KDM4B: variants seen among roughly 807,000 people sequenced by gnomAD.
KDM4B encodes the protein lysine demethylase 4B, also known as lysine-specific demethylase 4B.
A neutral mutation model predicts 125.2 loss-of-function variants in KDM4B; 32 were observed. The observed-to-expected ratio is 0.26, with a 90% CI of 0.19 to 0.34. KDM4B has a LOEUF of 0.34. KDM4B is among the 10% of genes least tolerant of loss of function. The probability of loss-of-function intolerance (pLI) is 1.00; values close to 1 mark genes in which losing one functional copy is unlikely to be tolerated. For missense variants in KDM4B, 1,190 were observed against 1,577.7 expected (o/e 0.75, Z 4.16); for synonymous variants, 721 against 677.9 (o/e 1.06, Z -0.99).
In KDM4B at chr19:5,150,354, G is replaced by C. The variant is rs1261804994; in HGVS notation, c.3022-4G>C. ...AGGCCCCTGAGAGCCACATCCCCCT[G>C]CAGGTGGAGTTTGAGGACGGGTCCC... On this transcript the variant is annotated splice_region_variant and splice_polypyrimidine_tract_variant and intron_variant, in intron 21 of 22. Coordinates refer to ENST00000159111, the MANE Select transcript of KDM4B (RefSeq NM_015015.3). The C allele has an allele frequency of 6.4e-7, 1 of 1,550,750 alleles. No homozygotes were observed.
intron 9 of KDM4B, among the ~76,000 whole-genome samples, chr19:5,093,697 G>A (rs2038759182): frequency 6.6e-6 from 1 of 152,216 alleles, no homozygotes; most frequent in African/African-American, 2.4e-5. Flanking sequence ...CAGACAGATG[G>A]TCGAGATGGC....
At chr19:5,105,267 TGCCACGCTCA>T (rs1349245919) in intron 9 of KDM4B, among the ~76,000 whole-genome samples, 1 of 152,236 alleles carries the variant, frequency 6.6e-6, no homozygotes, top group Non-Finnish European at 1.5e-5. Flanking sequence ...CGCGCGCAGC[TGCCACGCTCA>T]GTACAAACTG....
intron 1 of KDM4B, among the ~76,000 whole-genome samples, chr19:5,006,164 C>G (rs894350109): frequency 5.9e-5 from 9 of 152,158 alleles, no homozygotes; most frequent in Admixed American, 5.9e-4. Flanking sequence ...TGCTGCAGGC[C>G]TGCCCTCTTC....
At chr19:5,108,093 G>A (rs1238643047) in intron 9 of KDM4B, among the ~76,000 whole-genome samples, 4 of 152,272 alleles carry the variant, frequency 2.6e-5, no homozygotes, top group African/African-American at 9.6e-5. Flanking sequence ...GGCTCAGGCC[G>A]TGCTCCAGGC....
chr19:4,977,870 G>A (rs1239749780), intron 1 of KDM4B, among the ~76,000 whole-genome samples: 9 of 152,134 alleles, frequency 5.9e-5, no homozygotes, highest in East Asian at 3.9e-4. Context: ...GTGAGGGGGC[G>A]CCACCCTGGG....
At chr19:4,986,441 C>T (rs754610597) in intron 1 of KDM4B, among the ~76,000 whole-genome samples, 64 of 152,190 alleles carry the variant, frequency 4.2e-4, no homozygotes, top group Non-Finnish European at 8.8e-5. Flanking sequence ...CAGGGGTGCT[C>T]TTCACAGTCA....
chr19:4,984,959 T>G (rs990702841), intron 1 of KDM4B, among the ~76,000 whole-genome samples: 4 of 152,206 alleles, frequency 2.6e-5, no homozygotes, highest in Non-Finnish European at 4.4e-5. Flanking sequence ...TGGGTCACAG[T>G]GGGTGTTACC....
intron 1 of KDM4B, among the ~76,000 whole-genome samples, chr19:4,976,621 G>T (rs2034455152): frequency 6.6e-6 from 1 of 152,250 alleles, no homozygotes; most frequent in African/African-American, 2.4e-5. Flanking sequence ...ACCAGTGCTA[G>T]CGCCCCCGAT....
At chr19:5,111,526 C>T in intron 10 of KDM4B, 1 of 764,888 alleles carries the variant, frequency 1.3e-6, no homozygotes, top group Admixed American at 1.7e-5. Context: ...AGGAGATCCA[C>T]TTCATGCCCA....
intron 2 of KDM4B, among the ~76,000 whole-genome samples, 172 bp from the exon 3 acceptor site, chr19:5,032,694 C>T (rs1341061230): frequency 2.0e-5 from 3 of 152,182 alleles, no homozygotes; most frequent in Non-Finnish European, 4.4e-5. Context: ...AGCAGAGTGA[C>T]GAGGCCGCTC....
In KDM4B at chr19:5,049,633, C is replaced by T. The variant is rs1043819344; in HGVS notation, c.626+1964C>T. Among the ~76,000 whole-genome samples the T allele has an allele frequency of 6.6e-5, 10 of 152,186 alleles. No homozygotes were observed. In the East Asian group the frequency reaches 1.6e-3, roughly 24 times the overall value. ...CCTGCTTAGCACGCAGGGCCCCTTC[C>T]CTGCTCTCTCACCAGGGCTGAGGCG... On this transcript the variant is annotated intron_variant, in intron 6 of 22. Coordinates refer to ENST00000159111, the MANE Select transcript of KDM4B (RefSeq NM_015015.3).
intron 5 of KDM4B, among the ~76,000 whole-genome samples, chr19:5,042,146 A>G (rs2145673014): frequency 6.6e-6 from 1 of 152,352 alleles, no homozygotes; most frequent in South Asian, 2.1e-4. Flanking sequence ...TTGCATATAC[A>G]TCCTGAGATA....
At chr19:5,071,956 C>T (rs1364468787) in intron 7 of KDM4B, among the ~76,000 whole-genome samples, 1 of 152,172 alleles carries the variant, frequency 6.6e-6, no homozygotes, top group East Asian at 1.9e-4. Context: ...GCTTGGGGTG[C>T]GTGAGGGGTG....
chr19:5,113,912 G>A (rs1485499913), intron 10 of KDM4B: 36 of 1,207,296 alleles, frequency 3.0e-5, no homozygotes, highest in South Asian at 7.4e-5. Context: ...CGGATGGTTC[G>A]GCACAGCTGC....
chr19:5,131,070 C>T lies in KDM4B; in HGVS notation c.1316-6C>T, dbSNP rs780008044. On this transcript the variant is annotated splice_polypyrimidine_tract_variant and splice_region_variant and intron_variant, in intron 11 of 22. Transcript: ENST00000159111. ...CCTCCCTGACCTCCCTCTCCTCTTCCCACAGAGGACGGGAGGGGCAAGCTG... is the reference window on the plus strand; with the variant it reads ...CCTCCCTGACCTCCCTCTCCTCTTCTCACAGAGGACGGGAGGGGCAAGCTG... The T allele has an allele frequency of 2.0e-6, 3 of 1,501,756 alleles. No individual in the cohort carries two copies. The highest frequency in any genetic ancestry group is 2.7e-5 in the South Asian group (2 of 73,534). The allele number at this position is 1,501,756 out of a possible 1,614,324, so 93.0% of individuals were successfully genotyped here.
At position 5,152,868 on chromosome 19, in the gene KDM4B, A is replaced by G. The variant is rs2039971567; in HGVS notation, c.*1357A>G. 6.6e-6 allele frequency: 1 copy of G among 152,232 alleles called. No individual in the cohort carries two copies. Among genetic ancestry groups the G allele is most frequent in the African/African-American group, 2.4e-5 (1 of 41,452 alleles). The allele number at this position is 152,232 out of a possible 1,614,324, so 9.4% of individuals were successfully genotyped here. On this transcript the variant is annotated 3_prime_UTR_variant, in exon 23 of 23. Coordinates refer to ENST00000159111, the MANE Select transcript of KDM4B (RefSeq NM_015015.3). ...TGGGACCAGCCTGGGCTATATAGCA[A>G]GACCCCATCACTACAAATTTTTTAC...
At chr19:5,034,776 C>T (rs971566192) in intron 3 of KDM4B, among the ~76,000 whole-genome samples, 1 of 152,262 alleles carries the variant, frequency 6.6e-6, no homozygotes, top group Non-Finnish European at 1.5e-5. Context: ...AGCTGTAGAG[C>T]GAGGGAAGCA....
intron 6 of KDM4B, among the ~76,000 whole-genome samples, chr19:5,067,239 C>T (rs896015106): frequency 1.3e-5 from 2 of 152,196 alleles, no homozygotes; most frequent in Admixed American, 6.5e-5. Context: ...CTCCCCACCC[C>T]CTTAACATTT....
At chr19:5,067,697 G>A (rs1490556112) in intron 6 of KDM4B, among the ~76,000 whole-genome samples, 3 of 152,268 alleles carry the variant, frequency 2.0e-5, no homozygotes, top group East Asian at 3.9e-4. Flanking sequence ...TCATGGAGCC[G>A]GTAGCATCTC....
Sources: gnomAD v4.1 joint callset for allele counts (sites outside exome capture counted in the v4.1 genomes callset) on GRCh38, gnomAD v4.1.1 for gene constraint, MANE v1.5 for transcripts, NCBI Gene and HGNC (gene_info 2026-07-23, HGNC 2026-07-21) for gene names.